The following CSMD1 variants were observed in gnomAD, a reference collection of about 807,000 sequenced individuals.
CSMD1 encodes CUB and sushi domain-containing protein 1.
CSMD1 carries 213 observed loss-of-function variants against 417.5 expected under a neutral mutation model. That is an observed-to-expected ratio of 0.51 (90% CI 0.46 to 0.57). The LOEUF (loss-of-function observed/expected upper bound fraction) is 0.57, where lower values mean the gene tolerates loss of function less well. Ranked by LOEUF, CSMD1 falls within the 20% of genes least tolerant of loss-of-function variation. The pLI is 0.00. For synonymous variants in CSMD1, 2,862 were observed against 1,736.8 expected (o/e 1.65, Z -16.11); for missense variants, 6,923 against 4,529.7 (o/e 1.53, Z -15.17).
chr8:4,838,714 G>C (rs373561974), intron 1 of CSMD1, among the ~76,000 whole-genome samples: 1 of 152,158 alleles, frequency 6.6e-6, no homozygotes, highest in East Asian at 1.9e-4. Flanking sequence ...ACTTGCCCAA[G>C]CCTCCCTTGT....
At chr8:3,593,835 CCTCT>C (rs1164950504) in intron 8 of CSMD1, among the ~76,000 whole-genome samples, 1 of 151,968 alleles carries the variant, frequency 6.6e-6, no homozygotes, top group Non-Finnish European at 1.5e-5. Context: ...TCCCTATCTC[CCTCT>C]CTCTTTCTCT....
intron 2 of CSMD1, among the ~76,000 whole-genome samples, chr8:4,560,215 C>A (rs571541133): frequency 1.3e-4 from 20 of 152,350 alleles, no homozygotes; most frequent in African/African-American, 4.6e-4. Context: ...AGCAGCAAAG[C>A]TAAGAAGCCA....
At chr8:4,568,499 T>C (rs1280324779) in intron 2 of CSMD1, among the ~76,000 whole-genome samples, 2 of 152,170 alleles carry the variant, frequency 1.3e-5, no homozygotes, top group Non-Finnish European at 2.9e-5. Flanking sequence ...ATATGCCACA[T>C]TTTCTTTATC....
chr8:4,899,877 G>A (rs1257133531), intron 1 of CSMD1, among the ~76,000 whole-genome samples: 1 of 152,074 alleles, frequency 6.6e-6, no homozygotes, highest in Non-Finnish European at 1.5e-5. Flanking sequence ...ACATACCTGG[G>A]GACAAGCCTT....
intron 1 of CSMD1, among the ~76,000 whole-genome samples, chr8:4,867,284 G>A (rs976275133): frequency 6.6e-6 from 1 of 152,008 alleles, no homozygotes; most frequent in Non-Finnish European, 1.5e-5. Context: ...ACTCATCAAT[G>A]TGCTTCTGGA....
intron 2 of CSMD1, among the ~76,000 whole-genome samples, chr8:4,483,749 A>G (rs901496586): frequency 6.6e-6 from 1 of 152,242 alleles, no homozygotes; most frequent in Non-Finnish European, 1.5e-5. Context: ...ATAATCCTGA[A>G]CAAAATAAAT....
intron 3 of CSMD1, among the ~76,000 whole-genome samples, chr8:4,356,888 G>A (rs1455308972): frequency 6.6e-6 from 1 of 152,104 alleles, no homozygotes; most frequent in Non-Finnish European, 1.5e-5. Context: ...AAACTATAAT[G>A]AATTTAGCCC....
At chr8:4,614,920 T>A (rs759688555) in intron 2 of CSMD1, among the ~76,000 whole-genome samples, 1 of 152,226 alleles carries the variant, frequency 6.6e-6, no homozygotes, top group Non-Finnish European at 1.5e-5. Flanking sequence ...CAATCTCAGA[T>A]AATTTTCAAA....
chr8:3,773,863 A>G (rs576484964), intron 5 of CSMD1, among the ~76,000 whole-genome samples: 1 of 152,136 alleles, frequency 6.6e-6, no homozygotes, highest in East Asian at 1.9e-4. Context: ...TATTTTGATC[A>G]TTACTATGTT....
intron 5 of CSMD1, among the ~76,000 whole-genome samples, chr8:3,972,715 A>C (rs536116851): frequency 2.0e-5 from 3 of 152,372 alleles, no homozygotes; most frequent in Non-Finnish European, 2.9e-5. Flanking sequence ...TTTCAACACT[A>C]CTTGTGGGAG....
intron 1 of CSMD1, among the ~76,000 whole-genome samples, chr8:4,861,221 A>G (rs1052281461): frequency 4.6e-5 from 7 of 152,150 alleles, no homozygotes; most frequent in African/African-American, 1.7e-4. Flanking sequence ...CTATTTCATT[A>G]CTTCTGTAGA....
intron 5 of CSMD1, among the ~76,000 whole-genome samples, chr8:3,755,759 AC>A (rs1797620366): frequency 6.6e-6 from 1 of 152,088 alleles, no homozygotes; most frequent in African/African-American, 2.4e-5. Context: ...TAAAAGCCAA[AC>A]CTTGACTGTA....
At chr8:3,969,058 C>A (rs1169509126) in intron 5 of CSMD1, among the ~76,000 whole-genome samples, 4 of 152,128 alleles carry the variant, frequency 2.6e-5, no homozygotes, top group African/African-American at 9.7e-5. Context: ...CGAGACCAGC[C>A]TGGACAACAT....
At chr8:3,055,953 C>G (rs977987044) in intron 49 of CSMD1, among the ~76,000 whole-genome samples, 1 of 152,154 alleles carries the variant, frequency 6.6e-6, no homozygotes, top group Non-Finnish European at 1.5e-5. Flanking sequence ...ATCATCCTTA[C>G]AAAATGCGAG....
At chr8:3,653,735 G>A (rs1340906392) in intron 7 of CSMD1, among the ~76,000 whole-genome samples, 3 of 152,148 alleles carry the variant, frequency 2.0e-5, no homozygotes, top group Non-Finnish European at 2.9e-5. Flanking sequence ...GTGAAGGACC[G>A]GCCACATCGC....
At chr8:4,249,336 T>A (rs1460740221) in intron 3 of CSMD1, among the ~76,000 whole-genome samples, 1 of 152,184 alleles carries the variant, frequency 6.6e-6, no homozygotes, top group Non-Finnish European at 1.5e-5. Flanking sequence ...TCTAAGAGGA[T>A]GGAATAAAGC....
chr8:4,638,325 T>A (rs962065422), intron 1 of CSMD1, among the ~76,000 whole-genome samples: 1 of 152,096 alleles, frequency 6.6e-6, no homozygotes, highest in African/African-American at 2.4e-5. Flanking sequence ...GTAATAAGAA[T>A]AGTTAGAAAA....
intron 49 of CSMD1, among the ~76,000 whole-genome samples, chr8:3,067,935 G>T (rs1190027291): frequency 1.3e-5 from 2 of 151,966 alleles, no homozygotes; most frequent in African/African-American, 4.8e-5. Context: ...TCTAGTAAGG[G>T]GTAAAGCCAG....
chr8:3,998,430 C>G (rs1037908703), intron 4 of CSMD1, among the ~76,000 whole-genome samples: 2 of 152,138 alleles, frequency 1.3e-5, no homozygotes, highest in African/African-American at 2.4e-5. Context: ...GAGATTTTCT[C>G]CGAATCCTGG....
Sources: gnomAD v4.1 joint callset for allele counts (sites outside exome capture counted in the v4.1 genomes callset) on GRCh38, gnomAD v4.1.1 for gene constraint, MANE v1.5 for transcripts, NCBI Gene and HGNC (gene_info 2026-07-23, HGNC 2026-07-21) for gene names.